The following DNAJC1 variants were observed in gnomAD, a reference collection of about 807,000 sequenced individuals.
DNAJC1 encodes the protein dnaJ homolog subfamily C member 1.
A neutral mutation model predicts 76.6 loss-of-function variants in DNAJC1; 58 were observed. The observed-to-expected ratio is 0.76, with a 90% CI of 0.61 to 0.94. The LOEUF is 0.94. Ranked by LOEUF, DNAJC1 falls within the 40% of genes least tolerant of loss-of-function variation. The probability of loss-of-function intolerance (pLI) is 0.00; values close to 1 mark genes in which losing one functional copy is unlikely to be tolerated. For missense variants in DNAJC1, 689 were observed against 677.3 expected, an observed-to-expected ratio of 1.02 and a Z score of -0.19; for synonymous variants, 258 against 267.9, an observed-to-expected ratio of 0.96 and a Z score of 0.36.
At chr10:21,834,245 C>A (rs566517591) in intron 8 of DNAJC1, among the ~76,000 whole-genome samples, 2 of 151,640 alleles carry the variant, frequency 1.3e-5, no homozygotes, top group Admixed American at 6.6e-5. Context: ...GCCTGGGCGA[C>A]AGAGCAAGAC....
At chr10:21,937,661 G>A (rs145175190) in intron 1 of DNAJC1, among the ~76,000 whole-genome samples, 11 of 152,156 alleles carry the variant, frequency 7.2e-5, no homozygotes, top group Non-Finnish European at 1.3e-4. Context: ...AAGAGAATAC[G>A]CATTTTTCTG....
intron 8 of DNAJC1, among the ~76,000 whole-genome samples, chr10:21,835,660 C>A (rs1287539790): frequency 6.6e-6 from 1 of 152,180 alleles, no homozygotes; most frequent in Non-Finnish European, 1.5e-5. Flanking sequence ...AACCAACACA[C>A]GAGAGCTACG....
chr10:21,888,972 CATAA>C (rs1252511030), intron 7 of DNAJC1, among the ~76,000 whole-genome samples: 2 of 152,044 alleles, frequency 1.3e-5, no homozygotes, highest in Non-Finnish European at 2.9e-5. Context: ...TTAAAAAATA[CATAA>C]ATAAATAAGC....
At chr10:21,944,295 T>C (rs977725433) in intron 1 of DNAJC1, among the ~76,000 whole-genome samples, 1 of 152,190 alleles carries the variant, frequency 6.6e-6, no homozygotes, top group African/African-American at 2.4e-5. Flanking sequence ...CTGGATGCTT[T>C]TCTTTACATC....
At chr10:21,968,887 T>C (rs1235054035) in intron 1 of DNAJC1, among the ~76,000 whole-genome samples, 1 of 151,704 alleles carries the variant, frequency 6.6e-6, no homozygotes, top group East Asian at 1.9e-4. Context: ...CAGCTGTCAT[T>C]CCCTGTTTGT....
At chr10:21,959,735 G>A (rs1837755021) in intron 1 of DNAJC1, among the ~76,000 whole-genome samples, 2 of 150,788 alleles carry the variant, frequency 1.3e-5, no homozygotes, top group African/African-American at 2.4e-5. Flanking sequence ...GCAGTGAGCC[G>A]GGATAGTGCC....
At chr10:21,796,703 ATGTTGAGCACCTTTTCATATACC>A (rs1366646130) in intron 9 of DNAJC1, among the ~76,000 whole-genome samples, 2 of 152,102 alleles carry the variant, frequency 1.3e-5, no homozygotes, top group Non-Finnish European at 2.9e-5. Context: ...ATGATTAGAG[ATGTTGAGCACCTTTTCATATACC>A]TGTTGGCCAT....
At chr10:21,891,696 T>C (rs1000104070) in intron 7 of DNAJC1, among the ~76,000 whole-genome samples, 2 of 152,106 alleles carry the variant, frequency 1.3e-5, no homozygotes, top group African/African-American at 4.8e-5. Context: ...CTGTTATACC[T>C]GAAGTCAATA....
At chr10:21,822,645 T>G (rs1835180158) in intron 8 of DNAJC1, among the ~76,000 whole-genome samples, 1 of 152,044 alleles carries the variant, frequency 6.6e-6, no homozygotes, top group Non-Finnish European at 1.5e-5. Context: ...CTGTCAGTTT[T>G]TTGGGTTAGA....
intron 8 of DNAJC1, among the ~76,000 whole-genome samples, chr10:21,864,449 G>A (rs1339212406): frequency 6.6e-6 from 1 of 151,916 alleles, no homozygotes; most frequent in Non-Finnish European, 1.5e-5. Flanking sequence ...GGGAAACCCT[G>A]TCTCTACTAA....
chr10:21,859,683 T>C (rs1564810135), intron 8 of DNAJC1, among the ~76,000 whole-genome samples: 1 of 152,162 alleles, frequency 6.6e-6, no homozygotes, highest in Non-Finnish European at 1.5e-5. Context: ...TTCACTGCCA[T>C]GACATTTTAC....
intron 1 of DNAJC1, among the ~76,000 whole-genome samples, chr10:21,985,671 A>C (rs936580357): frequency 4.6e-5 from 7 of 152,196 alleles, no homozygotes; most frequent in African/African-American, 1.7e-4. Flanking sequence ...GAATTCATCC[A>C]TGTTGTGGTT....
At chr10:21,837,921 G>A (rs1387689528) in intron 8 of DNAJC1, among the ~76,000 whole-genome samples, 4 of 146,154 alleles carry the variant, frequency 2.7e-5, no homozygotes, top group Non-Finnish European at 4.6e-5. Flanking sequence ...GGGAGGTGGC[G>A]GGCAGCCCCC....
chr10:21,808,005 C>G (rs888157070), intron 8 of DNAJC1, among the ~76,000 whole-genome samples: 3 of 151,920 alleles, frequency 2.0e-5, no homozygotes, highest in African/African-American at 7.3e-5. Context: ...ATAAGTAGAC[C>G]AATCGGTTTC....
At chr10:21,807,513 A>T (rs1834897337) in intron 8 of DNAJC1, among the ~76,000 whole-genome samples, 1 of 152,200 alleles carries the variant, frequency 6.6e-6, no homozygotes. Context: ...TGCCCCTGTT[A>T]AAGGGCTTTC....
intron 1 of DNAJC1, among the ~76,000 whole-genome samples, chr10:21,996,394 T>C (rs996830054): frequency 6.6e-6 from 1 of 152,234 alleles, no homozygotes; most frequent in Non-Finnish European, 1.5e-5. Flanking sequence ...TGGCATTACT[T>C]ACAACTGCCA....
intron 7 of DNAJC1, among the ~76,000 whole-genome samples, chr10:21,900,679 C>A (rs538555189): frequency 6.6e-6 from 1 of 152,114 alleles, no homozygotes; most frequent in Admixed American, 6.5e-5. Flanking sequence ...GGAACAAGGG[C>A]TCCTATTAGA....
At chr10:21,818,898 A>C (rs1424548332) in intron 8 of DNAJC1, among the ~76,000 whole-genome samples, 1 of 152,224 alleles carries the variant, frequency 6.6e-6, no homozygotes, top group Non-Finnish European at 1.5e-5. Context: ...AAAGTCTTAC[A>C]TAAGATTATA....
At chr10:21,961,127 G>C (rs1837783926) in intron 1 of DNAJC1, among the ~76,000 whole-genome samples, 1 of 152,122 alleles carries the variant, frequency 6.6e-6, no homozygotes, top group African/African-American at 2.4e-5. Flanking sequence ...ATTGGTAGTG[G>C]GCTCCAACAG....
Sources: allele counts gnomAD v4.1 joint callset (sites outside exome capture counted in the v4.1 genomes callset), GRCh38; gene constraint gnomAD v4.1.1; transcripts MANE v1.5; gene names NCBI Gene and HGNC (gene_info 2026-07-23, HGNC 2026-07-21).